Variants in TEX2 observed in about 807,000 individuals in gnomAD.
TEX2 encodes testis-expressed protein 2.
In TEX2, 53 loss-of-function variants were observed where a neutral mutation model predicts 106.9. The observed-to-expected ratio is 0.50, with a 90% CI of 0.40 to 0.62. TEX2 has a LOEUF of 0.62. TEX2 is among the 20% of genes least tolerant of loss of function. The probability of loss-of-function intolerance (pLI) is 0.00; values close to 1 mark genes in which losing one functional copy is unlikely to be tolerated. For synonymous variants in TEX2, 523 were observed against 534.8 expected (o/e 0.98, Z 0.30); for missense variants, 1,207 against 1,379.0 (o/e 0.88, Z 1.98).
At chr17:64,254,028 A>T (rs979923100) in intron 1 of TEX2, among the ~76,000 whole-genome samples, 36 of 152,272 alleles carry the variant, frequency 2.4e-4, no homozygotes, top group African/African-American at 7.7e-4. Flanking sequence ...CAGCAAACAC[A>T]ACTCCCAAAG....
rs998928183 is a variant in TEX2 at position 64,213,571 on chromosome 17, G to A, written c.647C>T (p.Thr216Ile). 1 of 1,614,028 alleles carries A rather than the reference G, an allele frequency of 6.2e-7. No homozygotes were observed. Among genetic ancestry groups the A allele is most frequent in the African/African-American group, 1.3e-5 (1 of 74,916 alleles). ...GTCCGTGGACAGAGACTTGACTAATGTCTTCATCAAGTGCCTGTGCCTTGC... is the reference window on the plus strand; with the variant it reads ...GTCCGTGGACAGAGACTTGACTAATATCTTCATCAAGTGCCTGTGCCTTGC... ...HPARHRHLMK[T>I]LVKSLSTDTS... is the part of the protein sequence containing the mutation. The change falls in exon 2 of 12, where the codon ACA becomes ATA. Residue 216 changes from threonine to isoleucine, a missense_variant. By Grantham distance (89) the Thr-to-Ile change is moderately conservative. This residue lies in a region of TEX2 where 1,067 missense variants were observed against 1,193.6 expected (regional missense o/e 0.89). Coordinates refer to ENST00000584379, the MANE Select transcript of TEX2 (RefSeq NM_001288732.2). The surrounding 1 kb of genome is among the most constrained non-coding windows in gnomAD (Gnocchi z 4.4).
chr17:64,221,100 A>G (rs1218256501), intron 1 of TEX2, among the ~76,000 whole-genome samples: 2 of 152,224 alleles, frequency 1.3e-5, no homozygotes, highest in Non-Finnish European at 2.9e-5. Flanking sequence ...CTAACACAGT[A>G]ACAGAAAACC....
At position 64,153,347 on chromosome 17, in the gene TEX2, G is replaced by A. The variant is rs926334935; in HGVS notation, c.2931-193C>T. Among the ~76,000 whole-genome samples, 1 of 152,202 alleles carries A rather than the reference G, an allele frequency of 6.6e-6. No homozygotes were observed. Among genetic ancestry groups the A allele is most frequent in the Non-Finnish European group, 1.5e-5 (1 of 68,042 alleles). ...CATCCCTGGTCTCTACCTACCAGAT[G>A]CCAATAGCACTCCCCCTAGTTATGA... On this transcript the variant is annotated intron_variant, in intron 9 of 11. Coordinates refer to ENST00000584379, the MANE Select transcript of TEX2 (RefSeq NM_001288732.2). The surrounding 1 kb of genome is among the most constrained non-coding windows in gnomAD (Gnocchi z 4.1).
At chr17:64,223,921 T>A (rs782801363) in intron 1 of TEX2, among the ~76,000 whole-genome samples, 1 of 152,196 alleles carries the variant, frequency 6.6e-6, no homozygotes, top group Non-Finnish European at 1.5e-5. Context: ...TTTACCATGT[T>A]GGCCAGGAGG....
intron 1 of TEX2, among the ~76,000 whole-genome samples, chr17:64,215,066 C>T (rs2033143830): frequency 6.6e-6 from 1 of 152,138 alleles, no homozygotes; most frequent in Non-Finnish European, 1.5e-5. Flanking sequence ...TGCTTTCTGC[C>T]CTTCTGGAGC....
rs2032452447 is a variant in TEX2, at chr17:64,195,964, T to C, written c.1645-869A>G. ...AAGTCCTCTGGGGAGTTTTAATTGATATCTTCCTACTCTCCCCAACTTTTT... is the reference window on the plus strand; with the variant it reads ...AAGTCCTCTGGGGAGTTTTAATTGACATCTTCCTACTCTCCCCAACTTTTT... On this transcript the variant is annotated intron_variant, in intron 2 of 11. Coordinates refer to ENST00000584379, the MANE Select transcript of TEX2 (RefSeq NM_001288732.2). This position sits in a 1 kb window ranked among gnomAD's most constrained non-coding sequence, Gnocchi z 4.1. Among the ~76,000 whole-genome samples the C allele has an allele frequency of 6.6e-6, 1 of 152,250 alleles. No individual in the cohort carries two copies. Among genetic ancestry groups the C allele is most frequent in the South Asian group, 2.1e-4 (1 of 4,838 alleles).
chr17:64,225,170 G>A (rs2033471046), intron 1 of TEX2, among the ~76,000 whole-genome samples: 1 of 152,008 alleles, frequency 6.6e-6, no homozygotes, highest in African/African-American at 2.4e-5. Context: ...GAATATTGCA[G>A]GCTGGGCACA....
intron 10 of TEX2, among the ~76,000 whole-genome samples, chr17:64,151,651 T>C (rs2030361166): frequency 6.6e-6 from 1 of 152,188 alleles, no homozygotes. Flanking sequence ...CATAAATATT[T>C]CTAAACACTC....
chr17:64,251,076 T>C (rs572454960), intron 1 of TEX2, among the ~76,000 whole-genome samples: 16 of 152,210 alleles, frequency 1.1e-4, no homozygotes, highest in Non-Finnish European at 2.2e-4. Context: ...AGGATTTTCC[T>C]TTGGGGCTAG....
Position 64,213,092 on chromosome 17 carries a change from G to T in TEX2, c.1126C>A (p.Pro376Thr). 1 of 1,614,166 alleles carries T rather than the reference G, an allele frequency of 6.2e-7. No individual in the cohort carries two copies. Among genetic ancestry groups the T allele is most frequent in the Non-Finnish European group, 8.5e-7 (1 of 1,180,038 alleles). The change falls in exon 2 of 12, where the codon CCC becomes ACC. Residue 376 changes from proline to threonine, a missense_variant. Physicochemically the swap from Pro to Thr is conservative, Grantham distance 38. Around this residue, in one of 3 missense-constraint regions of TEX2, gnomAD observed 1,067 missense variants for 1,193.6 expected, o/e 0.89. Transcript: ENST00000584379. This position sits in a 1 kb window ranked among gnomAD's most constrained non-coding sequence, Gnocchi z 4.4. The part of the protein sequence containing the change: ...RSDHPKSTGE[P>T]TREIELKSSQ... ...CTTTTCAGTTCTATCTCTCTTGTGGGCTCACCAGTGGACTTTGGGTGGTCA... is the reference window on the plus strand; with the variant it reads ...CTTTTCAGTTCTATCTCTCTTGTGGTCTCACCAGTGGACTTTGGGTGGTCA...
At chr17:64,258,546 G>A (rs1050606074) in intron 1 of TEX2, among the ~76,000 whole-genome samples, 1 of 152,148 alleles carries the variant, frequency 6.6e-6, no homozygotes, top group African/African-American at 2.4e-5. Flanking sequence ...ACGATTCCCC[G>A]TAAATGATAG....
chr17:64,181,557 G>A (rs1005933622), intron 5 of TEX2, among the ~76,000 whole-genome samples: 3 of 150,026 alleles, frequency 2.0e-5, no homozygotes, highest in South Asian at 2.1e-4. Context: ...TCGCTCTGTC[G>A]CCCAGGCTGG....
In TEX2 at chr17:64,212,580, T is replaced by C; in HGVS notation, c.1638A>G (p.Ile546Met). 6.2e-7 allele frequency: 1 copy of C among 1,613,068 alleles called. No individual in the cohort carries two copies. The highest frequency in any genetic ancestry group is 8.5e-7 in the Non-Finnish European group (1 of 1,179,318). ...TRSLDIKEPE[I>M]LKGWMNEIYN... ...CTCCCGGGGAGAGGCTTACCTTCAG[T>C]ATTTCAGGTTCTTTGATATCCAGAG... The change falls in exon 2 of 12, where the codon ATA becomes ATG. Residue 546 changes from isoleucine (I) to methionine (M), a missense_variant. Around this residue, in one of 3 missense-constraint regions of TEX2, gnomAD observed 1,067 missense variants for 1,193.6 expected, o/e 0.89. Transcript: ENST00000584379.
intron 1 of TEX2, among the ~76,000 whole-genome samples, chr17:64,258,735 A>G (rs1157899881): frequency 6.6e-6 from 1 of 150,870 alleles, no homozygotes; most frequent in Non-Finnish European, 1.5e-5. Context: ...TGGCACTAAG[A>G]AATCAACTCT....
At chr17:64,192,816 A>C (rs930697762) in intron 4 of TEX2, among the ~76,000 whole-genome samples, 21 of 152,206 alleles carry the variant, frequency 1.4e-4, no homozygotes, top group Non-Finnish European at 2.9e-4. Context: ...TCCCGGATCA[A>C]CACAAATGCC....
chr17:64,213,765 T>A lies in TEX2; in HGVS notation c.453A>T (p.Ser151=). 1 of 1,614,152 alleles carries A rather than the reference T, an allele frequency of 6.2e-7. No homozygotes were observed. Among genetic ancestry groups the A allele is most frequent in the Non-Finnish European group, 8.5e-7 (1 of 1,180,026 alleles). The change falls in exon 2 of 12, where the codon TCA becomes TCT. Residue 151 remains serine, a synonymous_variant. Transcript: ENST00000584379. This position sits in a 1 kb window ranked among gnomAD's most constrained non-coding sequence, Gnocchi z 4.4. The part of the protein sequence containing the change: ...SGPLASSPSV[S]SLSEQKTSSS... ...AACTGGTTTTCTGCTCAGAAAGGGA[T>A]GACACACTGGGAGAGCTAGCTAAGG...
At chr17:64,196,142 T>A (rs1188779027) in intron 2 of TEX2, among the ~76,000 whole-genome samples, 3 of 152,260 alleles carry the variant, frequency 2.0e-5, no homozygotes, top group African/African-American at 7.2e-5. Context: ...GAATGAGGAC[T>A]CCTCAGAATT....
At chr17:64,225,223 G>A (rs1202124498) in intron 1 of TEX2, among the ~76,000 whole-genome samples, 4 of 152,090 alleles carry the variant, frequency 2.6e-5, no homozygotes, top group South Asian at 2.1e-4. Flanking sequence ...AAGCCGAGGC[G>A]GGAGGAATGC....
At chr17:64,175,539 G>A (rs2031584329) in intron 6 of TEX2, among the ~76,000 whole-genome samples, 1 of 152,226 alleles carries the variant, frequency 6.6e-6, no homozygotes, top group Non-Finnish European at 1.5e-5. Context: ...TGGACTTCCA[G>A]CTCAAGAGAG....
Sources: allele counts gnomAD v4.1 joint callset (sites outside exome capture counted in the v4.1 genomes callset), GRCh38; gene constraint gnomAD v4.1.1; regional missense constraint gnomAD v4.1.1; non-coding constraint Gnocchi (gnomAD v3.1); transcripts MANE v1.5; gene names NCBI Gene and HGNC (gene_info 2026-07-23, HGNC 2026-07-21).